Variants in HECW2 observed in about 807,000 individuals in gnomAD.
HECW2 encodes the protein E3 ubiquitin-protein ligase HECW2.
HECW2 carries 61 observed loss-of-function variants against 175.2 expected under a neutral mutation model. That is an observed-to-expected ratio of 0.35 (90% CI 0.28 to 0.43). HECW2 has a LOEUF of 0.43. Ranked by LOEUF, HECW2 falls within the 20% of genes least tolerant of loss-of-function variation. The pLI is 1.00. For missense variants in HECW2, 1,524 were observed against 2,000.5 expected (o/e 0.76, Z 4.54); for synonymous variants, 671 against 731.0 (o/e 0.92, Z 1.32).
At chr2:196,304,075 A>G (rs74404005) in intron 13 of HECW2, among the ~76,000 whole-genome samples, 10,670 of 152,052 alleles carry the variant, frequency 0.07, 431 homozygotes, top group East Asian at 0.13. Flanking sequence ...ACTCTAAATT[A>G]CTCCCATATA....
intron 2 of HECW2, among the ~76,000 whole-genome samples, chr2:196,357,223 C>T (rs1329770239): frequency 1.3e-5 from 2 of 152,104 alleles, no homozygotes; most frequent in Non-Finnish European, 2.9e-5. Flanking sequence ...CTTCTCCATC[C>T]TCCCTGTGCA....
At chr2:196,222,420 G>T in intron 23 of HECW2, 80 bp from the exon 24 acceptor site, 1 of 1,343,866 alleles carries the variant, frequency 7.4e-7, no homozygotes. Flanking sequence ...AAGAAACTAA[G>T]AATTAAAGAG....
At chr2:196,264,965 C>T (rs573197431) in intron 17 of HECW2, among the ~76,000 whole-genome samples, 1 of 152,068 alleles carries the variant, frequency 6.6e-6, no homozygotes, top group Admixed American at 6.6e-5. Context: ...TTTTAATATA[C>T]CTTTGGATGG....
chr2:196,206,503 A>T (rs1687071982), intron 28 of HECW2, among the ~76,000 whole-genome samples: 1 of 152,168 alleles, frequency 6.6e-6, no homozygotes, highest in Non-Finnish European at 1.5e-5. Flanking sequence ...TTGTTGATTA[A>T]TTTCTCTCTC....
chr2:196,585,144 G>A (rs945384612), intron 1 of HECW2, among the ~76,000 whole-genome samples: 21 of 152,016 alleles, frequency 1.4e-4, no homozygotes, highest in African/African-American at 4.1e-4. Context: ...ACATACCAAC[G>A]CCCAGATTTA....
At chr2:196,574,662 C>A (rs771941143) in intron 1 of HECW2, among the ~76,000 whole-genome samples, 5 of 152,128 alleles carry the variant, frequency 3.3e-5, no homozygotes, top group Admixed American at 6.5e-5. Flanking sequence ...GCATCCTTTA[C>A]AGAAATTTTA....
rs1686791483 is a variant in HECW2, at chr2:196,199,573, C to T, written c.*1704G>A. 1 of 152,516 alleles carries T rather than the reference C, an allele frequency of 6.6e-6. No homozygotes were observed. Among genetic ancestry groups the T allele is most frequent in the African/African-American group, 2.4e-5 (1 of 41,414 alleles). The allele number at this position is 152,516 out of a possible 1,614,324, so 9.4% of individuals were successfully genotyped here. On this transcript the variant is annotated 3_prime_UTR_variant, in exon 29 of 29. Coordinates refer to ENST00000644978, the MANE Select transcript of HECW2 (RefSeq NM_001348768.2). ...CTATAAAATGTAAGATTGCCAACAT[C>T]CCATAATAGGAATTCCATGGCTGCT...
chr2:196,514,082 A>T (rs1183616060), intron 1 of HECW2, among the ~76,000 whole-genome samples: 2 of 152,162 alleles, frequency 1.3e-5, no homozygotes, highest in Non-Finnish European at 2.9e-5. Flanking sequence ...CACCCCATCA[A>T]GGGCTGCAGA....
intron 15 of HECW2, among the ~76,000 whole-genome samples, chr2:196,274,893 T>C (rs1347920767): frequency 6.6e-6 from 1 of 152,202 alleles, no homozygotes; most frequent in African/African-American, 2.4e-5. Flanking sequence ...TTTTCCCCCA[T>C]ATTACAGAAA....
intron 3 of HECW2, among the ~76,000 whole-genome samples, chr2:196,336,512 G>T (rs1248539285): frequency 6.6e-6 from 1 of 152,138 alleles, no homozygotes; most frequent in Admixed American, 6.5e-5. Flanking sequence ...GTTAGCGAGT[G>T]AGCAGGCCAT....
At chr2:196,401,812 T>C (rs1485383694) in intron 2 of HECW2, among the ~76,000 whole-genome samples, 1 of 152,174 alleles carries the variant, frequency 6.6e-6, no homozygotes, top group Non-Finnish European at 1.5e-5. Context: ...TGATTTCCAA[T>C]GGAAAACAAA....
At chr2:196,441,381 A>AACACACAC (rs35019279) in intron 1 of HECW2, among the ~76,000 whole-genome samples, 4,562 of 151,236 alleles carry the variant, frequency 0.03, 214 homozygotes, top group African/African-American at 0.1. Context: ...CACACACACA[A>AACACACAC]ACACACACAC....
chr2:196,428,286 C>T (rs528333093), intron 2 of HECW2, among the ~76,000 whole-genome samples: 1 of 152,274 alleles, frequency 6.6e-6, no homozygotes, highest in South Asian at 2.1e-4. Flanking sequence ...AGGCTGCTTC[C>T]TACCAAAAGG....
In HECW2 at chr2:196,195,017, T is replaced by C. The variant is rs898591519; in HGVS notation, c.*6260A>G. The C allele has an allele frequency of 1.1e-4, 16 of 152,260 alleles. No individual in the cohort carries two copies. Among genetic ancestry groups the C allele is most frequent in the African/African-American group, 3.4e-4 (14 of 41,472 alleles). 9.4% of individuals were successfully genotyped at this position (152,260 alleles called of 1,614,324 possible). On this transcript the variant is annotated 3_prime_UTR_variant, in exon 29 of 29. Coordinates refer to ENST00000644978, the MANE Select transcript of HECW2 (RefSeq NM_001348768.2). ...ATGCATGTATTTTTATTCATTTATT[T>C]TGGAATGCCTGCATCCCTATTATAA...
At chr2:196,559,246 A>T (rs1326238219) in intron 1 of HECW2, among the ~76,000 whole-genome samples, 4 of 152,206 alleles carry the variant, frequency 2.6e-5, no homozygotes, top group Non-Finnish European at 5.9e-5. Flanking sequence ...AGTAAGATGC[A>T]CCTGCAATCT....
At chr2:196,472,840 C>T (rs1697267704) in intron 1 of HECW2, among the ~76,000 whole-genome samples, 1 of 152,114 alleles carries the variant, frequency 6.6e-6, no homozygotes, top group Non-Finnish European at 1.5e-5. Flanking sequence ...AGGCTGGTTC[C>T]GAACCCCTGA....
chr2:196,427,730 T>A (rs1165214797), intron 2 of HECW2, among the ~76,000 whole-genome samples: 1 of 152,154 alleles, frequency 6.6e-6, no homozygotes, highest in Non-Finnish European at 1.5e-5. Flanking sequence ...AGGGATTAAT[T>A]GTTGTAATTT....
chr2:196,368,349 GAT>G lies in HECW2; in HGVS notation c.293-24587_293-24586del, dbSNP rs1693809690. Reference sequence around the variant, plus strand: ...TTTGCTGTGCACTTCTCTGCTGCTAGATATATTGGAAGTCCATTGTACGTTGT... The same window carrying G: ...TTTGCTGTGCACTTCTCTGCTGCTAGATATTGGAAGTCCATTGTACGTTGT... On this transcript the variant is annotated intron_variant, in intron 2 of 28. Transcript: ENST00000644978. Among the ~76,000 whole-genome samples the G allele has an allele frequency of 2.0e-5, 3 of 152,278 alleles. No homozygotes were observed. In the South Asian group the frequency reaches 6.2e-4, roughly 32 times the overall value.
intron 2 of HECW2, among the ~76,000 whole-genome samples, chr2:196,352,657 A>C (rs1007296544): frequency 6.6e-6 from 1 of 152,158 alleles, no homozygotes; most frequent in African/African-American, 2.4e-5. Context: ...GTCAAGTCTG[A>C]ACCACACCCC....
Sources: gnomAD v4.1 joint callset for allele counts (sites outside exome capture counted in the v4.1 genomes callset) on GRCh38, gnomAD v4.1.1 for gene constraint, MANE v1.5 for transcripts, NCBI Gene and HGNC (gene_info 2026-07-23, HGNC 2026-07-21) for gene names.